DSE: variants seen among roughly 807,000 people sequenced by gnomAD.
The protein encoded by DSE is dermatan-sulfate epimerase.
Under a neutral mutation model 84.4 loss-of-function variants are expected in DSE, and 36 were observed. The observed-to-expected ratio is 0.43, with a 90% confidence interval of 0.33 to 0.56. The LOEUF is 0.56. DSE is among the 20% of genes least tolerant of loss of function. The pLI, the probability that DSE is intolerant of heterozygous loss-of-function variation, is 0.06. For missense variants in DSE, 862 were observed against 1,169.6 expected (o/e 0.74, Z 3.84); for synonymous variants, 410 against 430.1 (o/e 0.95, Z 0.58).
chr6:116,302,603 C>G (rs1775105254), intron 2 of DSE, among the ~76,000 whole-genome samples: 1 of 152,170 alleles, frequency 6.6e-6, no homozygotes, highest in African/African-American at 2.4e-5. Flanking sequence ...CCTATTCACT[C>G]TGATGATAGT....
upstream of DSE, chr6:116,370,793 G>A (rs1053312136): frequency 3.1e-6 from 3 of 978,770 alleles, no homozygotes; most frequent in Admixed American, 6.2e-5. Context: ...TCGGCCGGGG[G>A]AGGGGGTCCC....
chr6:116,427,579 A>G (rs1485008557), intron 3 of DSE, among the ~76,000 whole-genome samples: 1 of 152,220 alleles, frequency 6.6e-6, no homozygotes, highest in African/African-American at 2.4e-5. Flanking sequence ...ACCCAAACCT[A>G]GCTTTCTCCC....
chr6:116,263,620 C>T (rs112185588), intron 2 of DSE, among the ~76,000 whole-genome samples: 4 of 152,006 alleles, frequency 2.6e-5, no homozygotes, highest in Non-Finnish European at 4.4e-5. Flanking sequence ...TTAGTAATGA[C>T]GTGTGTGGAT....
intron 1 of DSE, among the ~76,000 whole-genome samples, chr6:116,381,443 A>G (rs914783932): frequency 6.6e-6 from 1 of 152,140 alleles, no homozygotes; most frequent in African/African-American, 2.4e-5. Context: ...TAGGGAAATG[A>G]TATGAAAATG....
chr6:116,261,489 G>T (rs1381048133), intron 2 of DSE, among the ~76,000 whole-genome samples: 1 of 152,078 alleles, frequency 6.6e-6, no homozygotes, highest in Non-Finnish European at 1.5e-5. Context: ...CTTTGCTGAT[G>T]TTATCAGCTT....
chr6:116,280,128 C>T, intron 2 of DSE: 2 of 471,156 alleles, frequency 4.2e-6, no homozygotes, highest in South Asian at 4.1e-5. Flanking sequence ...GCGCGGACGA[C>T]CCACCTTGAG....
At chr6:116,326,289 G>A (rs2114776736) in intron 2 of DSE, among the ~76,000 whole-genome samples, 1 of 152,172 alleles carries the variant, frequency 6.6e-6, no homozygotes, top group South Asian at 2.1e-4. Flanking sequence ...AGGAGTCATA[G>A]CCTCTAGAGA....
chr6:116,396,485 A>G (rs1306629685), intron 1 of DSE, among the ~76,000 whole-genome samples: 1 of 152,166 alleles, frequency 6.6e-6, no homozygotes, highest in Non-Finnish European at 1.5e-5. Flanking sequence ...TGGGTTCTGC[A>G]TTGGCTAACG....
Position 116,399,271 on chromosome 6 carries a change from G to T in DSE, c.21G>T (p.Gly7=), listed in dbSNP as rs748439156. 1.2e-6 allele frequency: 2 copies of T among 1,613,894 alleles called. No homozygotes were observed. Among genetic ancestry groups the T allele is most frequent in the Admixed American group, 3.3e-5 (2 of 60,026 alleles). Residue 7 remains glycine (G), a synonymous_variant, in exon 2 of 6, where the codon GGG becomes GGT. Transcript: ENST00000644252. ...CCACGATGAGGACTCACACACGGGG[G>T]GCTCCCAGTGTGTTTTTCATATATT... MRTHTR[G]APSVFFIYLL...
intron 2 of DSE, among the ~76,000 whole-genome samples, chr6:116,424,884 A>C (rs907049031): frequency 6.6e-6 from 1 of 152,208 alleles, no homozygotes; most frequent in Non-Finnish European, 1.5e-5. Context: ...ATTTTAAAGT[A>C]TTTGTAAACT....
At chr6:116,418,986 A>G (rs949502482) in intron 2 of DSE, among the ~76,000 whole-genome samples, 1 of 151,990 alleles carries the variant, frequency 6.6e-6, no homozygotes, top group East Asian at 1.9e-4. Flanking sequence ...TATGAAGTAC[A>G]CTCCCCTCTC....
chr6:116,323,184 C>T (rs1025446234), intron 2 of DSE, among the ~76,000 whole-genome samples: 1 of 152,186 alleles, frequency 6.6e-6, no homozygotes, highest in African/African-American at 2.4e-5. Flanking sequence ...GAAAATTACA[C>T]ATCAGTTGTA....
At chr6:116,332,875 G>A (rs1433873626) in intron 2 of DSE, among the ~76,000 whole-genome samples, 13 of 151,992 alleles carry the variant, frequency 8.6e-5, no homozygotes, top group Admixed American at 8.5e-4. Context: ...AAGACTTCAG[G>A]CATTTCACAA....
chr6:116,386,291 T>C (rs575674440), intron 1 of DSE, among the ~76,000 whole-genome samples: 1 of 152,312 alleles, frequency 6.6e-6, no homozygotes, highest in African/African-American at 2.4e-5. Flanking sequence ...ACTTAGATGA[T>C]TTAACTAAAA....
Position 116,436,755 on chromosome 6 carries a change from C to G in DSE, c.2287C>G (p.Arg763Gly), listed in dbSNP as rs1302116113. 1.9e-6 allele frequency: 3 copies of G among 1,614,112 alleles called. No homozygotes were observed. The highest frequency in any genetic ancestry group is 1.7e-5 in the Admixed American group (1 of 60,012). The change falls in exon 6 of 6, where the codon CGA becomes GGA. Residue 763 changes from arginine (R) to glycine (G), a missense_variant. Physicochemically the swap from Arg to Gly is moderately radical, Grantham distance 125 (BLOSUM62 -2). This residue lies in a region of DSE where 315 missense variants were observed against 348.1 expected (regional missense o/e 0.90). Coordinates refer to ENST00000644252, the MANE Select transcript of DSE (RefSeq NM_013352.4). ...GCTGCTGGAGAAGCAGATACTGTCC[C>G]GAGTCCGGAACACAGCTAGCTTTAG... ...FQLLEKQILS[R>G]VRNTASFRKT...
intron 2 of DSE, among the ~76,000 whole-genome samples, chr6:116,268,829 A>C (rs1398701048): frequency 6.6e-6 from 1 of 152,194 alleles, no homozygotes; most frequent in African/African-American, 2.4e-5. Context: ...TTAAGCTGAT[A>C]TAGATCAGCT....
rs1235435476 is a variant in DSE, at chr6:116,436,649, C to A, written c.2181C>A (p.Ile727=). ...TTCTGTTTGACCGGAATTCAGCCAT[C>A]AAGAGCAGCATTGTCCCTGAGGTGA... The part of the protein sequence containing the change: ...HKILFDRNSA[I]KSSIVPEVKD... Residue 727 remains isoleucine (I), a synonymous_variant, in exon 6 of 6, where the codon ATC becomes ATA. Transcript: ENST00000644252. The A allele has an allele frequency of 8.1e-6, 13 of 1,614,178 alleles. No homozygotes were observed. Among genetic ancestry groups the A allele is most frequent in the Non-Finnish European group, 1.0e-5 (12 of 1,180,024 alleles).
At chr6:116,384,797 T>C (rs1410074168) in intron 1 of DSE, among the ~76,000 whole-genome samples, 4 of 152,146 alleles carry the variant, frequency 2.6e-5, no homozygotes, top group African/African-American at 7.2e-5. Context: ...GCTGGAGATA[T>C]AGCAGAAAGC....
chr6:116,403,215 G>T (rs543747545), intron 2 of DSE, among the ~76,000 whole-genome samples: 1 of 151,938 alleles, frequency 6.6e-6, no homozygotes, highest in East Asian at 1.9e-4. Flanking sequence ...GCTCTCCCCC[G>T]TTTCTCTCCC....
Sources: gnomAD v4.1 joint callset for allele counts (sites outside exome capture counted in the v4.1 genomes callset) on GRCh38, gnomAD v4.1.1 for gene constraint, gnomAD v4.1.1 regional missense constraint, MANE v1.5 for transcripts, NCBI Gene and HGNC (gene_info 2026-07-23, HGNC 2026-07-21) for gene names.